Variants in PDE4B observed in about 807,000 individuals in gnomAD.
PDE4B encodes the protein 3',5'-cyclic-AMP phosphodiesterase 4B.
PDE4B carries 20 observed loss-of-function variants against 82.2 expected under a neutral mutation model. The ratio of observed to expected loss-of-function variants is 0.24; its 90% CI spans 0.17 to 0.35. The LOEUF (loss-of-function observed/expected upper bound fraction) is 0.35, where lower values mean the gene tolerates loss of function less well. PDE4B is among the 10% of genes least tolerant of loss of function. The pLI, the probability that PDE4B is intolerant of heterozygous loss-of-function variation, is 1.00. For missense variants in PDE4B, 655 were observed against 907.2 expected (o/e 0.72, Z 3.57); for synonymous variants, 320 against 318.9 (o/e 1.00, Z -0.04).
At chr1:65,813,906 A>C (rs1057001438) in intron 1 of PDE4B, among the ~76,000 whole-genome samples, 2 of 151,962 alleles carry the variant, frequency 1.3e-5, no homozygotes, top group African/African-American at 2.4e-5. Context: ...AAAAAAAAAA[A>C]AAAAAAACAA....
chr1:66,203,719 C>T (rs553623750), intron 3 of PDE4B, among the ~76,000 whole-genome samples: 1 of 151,536 alleles, frequency 6.6e-6, no homozygotes, highest in Non-Finnish European at 1.5e-5. Flanking sequence ...AAGCACTTCT[C>T]TGCATTGGTT....
intron 3 of PDE4B, among the ~76,000 whole-genome samples, chr1:66,084,794 G>C (rs1656920594): frequency 6.6e-6 from 1 of 152,114 alleles, no homozygotes. Flanking sequence ...TTAGACTGTG[G>C]CTAGCACTAC....
intron 1 of PDE4B, among the ~76,000 whole-genome samples, chr1:65,832,356 T>C (rs1380631546): frequency 6.6e-6 from 1 of 152,234 alleles, no homozygotes; most frequent in Non-Finnish European, 1.5e-5. Flanking sequence ...AAAAATGATA[T>C]GCCTGCAAGA....
At chr1:66,316,746 A>C (rs1452598805) in intron 7 of PDE4B, among the ~76,000 whole-genome samples, 1 of 152,262 alleles carries the variant, frequency 6.6e-6, no homozygotes, top group Non-Finnish European at 1.5e-5. Context: ...GGGAAAAAGT[A>C]AGCACAGCTG....
chr1:66,334,355 C>T (rs988462922), intron 8 of PDE4B, among the ~76,000 whole-genome samples: 4 of 152,160 alleles, frequency 2.6e-5, no homozygotes, highest in Non-Finnish European at 5.9e-5. Context: ...ATTCTAATCC[C>T]ATTCATGCCT....
chr1:66,288,801 G>GC (rs2101804526), intron 7 of PDE4B, among the ~76,000 whole-genome samples: 1 of 152,226 alleles, frequency 6.6e-6, no homozygotes, highest in South Asian at 2.1e-4. Flanking sequence ...ATCTGCAAAA[G>GC]CTGGAGGAAA....
At chr1:66,107,489 C>T (rs575238347) in intron 3 of PDE4B, among the ~76,000 whole-genome samples, 43 of 148,252 alleles carry the variant, frequency 2.9e-4, no homozygotes, top group African/African-American at 1.1e-3. Flanking sequence ...CAGCTGTTCA[C>T]ATAATTTAGG....
intron 3 of PDE4B, among the ~76,000 whole-genome samples, chr1:66,246,420 G>GA (rs1653314835): frequency 6.6e-6 from 1 of 152,124 alleles, no homozygotes; most frequent in Non-Finnish European, 1.5e-5. Flanking sequence ...GGTCTAATTT[G>GA]AAAAAAGGAG....
chr1:65,878,657 C>T (rs1479385553), intron 1 of PDE4B, among the ~76,000 whole-genome samples: 2 of 152,106 alleles, frequency 1.3e-5, no homozygotes, highest in African/African-American at 4.8e-5. Flanking sequence ...TGCATGTTCT[C>T]ACTCATGAGT....
At chr1:66,371,030 AT>A in intron 16 of PDE4B, among the ~76,000 whole-genome samples, 1 of 146,100 alleles carries the variant, frequency 6.8e-6, no homozygotes, top group South Asian at 2.1e-4. Flanking sequence ...AAATATATAT[AT>A]ATCATACATA....
At chr1:66,273,279 T>C (rs748008333) in intron 7 of PDE4B, among the ~76,000 whole-genome samples, 19 of 152,242 alleles carry the variant, frequency 1.2e-4, no homozygotes, top group Non-Finnish European at 2.4e-4. Flanking sequence ...ATCTTCTTGC[T>C]TTCCTGCTTT....
At chr1:66,354,775 C>A (rs1020381032) in intron 8 of PDE4B, 1 of 1,530,918 alleles carries the variant, frequency 6.5e-7, no homozygotes, top group Non-Finnish European at 8.7e-7. Context: ...CTGATCCTTT[C>A]GGGATTGCTC....
At chr1:66,039,437 A>G (rs1654242498) in intron 3 of PDE4B, among the ~76,000 whole-genome samples, 1 of 152,088 alleles carries the variant, frequency 6.6e-6, no homozygotes, top group African/African-American at 2.4e-5. Context: ...TAACAGTATT[A>G]TTATTCAGTT....
chr1:65,821,898 AG>A (rs1000068258), intron 1 of PDE4B, among the ~76,000 whole-genome samples: 4 of 152,380 alleles, frequency 2.6e-5, no homozygotes, highest in African/African-American at 9.6e-5. Flanking sequence ...AATATAAAAT[AG>A]AAAAATAAGG....
At chr1:66,253,736 T>C (rs57747519) in intron 4 of PDE4B, among the ~76,000 whole-genome samples, 32,117 of 152,186 alleles carry the variant, frequency 0.21, 6,997 homozygotes, top group African/African-American at 0.54. Flanking sequence ...AAGTTTTTTG[T>C]TTTGTTTTGT....
intron 3 of PDE4B, among the ~76,000 whole-genome samples, chr1:66,206,139 A>G (rs1270641998): frequency 1.3e-5 from 2 of 152,108 alleles, no homozygotes; most frequent in East Asian, 1.9e-4. Context: ...GCTCCTCACC[A>G]TGGCCTGCCA....
chr1:66,073,862 T>C (rs1204234673), intron 3 of PDE4B, among the ~76,000 whole-genome samples: 5 of 152,060 alleles, frequency 3.3e-5, no homozygotes, highest in African/African-American at 7.2e-5. Flanking sequence ...TATTACTTAA[T>C]GGTATGAAAA....
intron 2 of PDE4B, among the ~76,000 whole-genome samples, chr1:65,916,248 C>G (rs147600141): frequency 6.6e-6 from 1 of 152,162 alleles, no homozygotes; most frequent in Non-Finnish European, 1.5e-5. Context: ...ATCTTTTTAA[C>G]TTAAAGAATA....
chr1:65,811,026 C>T (rs1401296068), intron 1 of PDE4B, among the ~76,000 whole-genome samples: 1 of 152,160 alleles, frequency 6.6e-6, no homozygotes, highest in Non-Finnish European at 1.5e-5. Flanking sequence ...CTGGCCTCTA[C>T]CAACTAGATG....
Sources: gnomAD v4.1 joint callset for allele counts (sites outside exome capture counted in the v4.1 genomes callset) on GRCh38, gnomAD v4.1.1 for gene constraint, MANE v1.5 for transcripts, NCBI Gene and HGNC (gene_info 2026-07-23, HGNC 2026-07-21) for gene names.